Variants in LSR observed in about 807,000 individuals in gnomAD.
LSR encodes the protein lipolysis-stimulated lipoprotein receptor.
In LSR, 44 loss-of-function variants were observed where a neutral mutation model predicts 61.8. That is an observed-to-expected ratio of 0.71 (90% CI 0.56 to 0.91). The LOEUF (loss-of-function observed/expected upper bound fraction) is 0.91. Ranked by LOEUF, LSR falls within the 40% of genes least tolerant of loss-of-function variation. The probability of loss-of-function intolerance (pLI) is 0.00; values close to 1 mark genes in which losing one functional copy is unlikely to be tolerated. For missense variants in LSR, 911 were observed against 830.5 expected, an observed-to-expected ratio of 1.10 and a Z score of -1.19; for synonymous variants, 397 against 350.6, an observed-to-expected ratio of 1.13 and a Z score of -1.48.
intron 2 of LSR, among the ~76,000 whole-genome samples, chr19:35,254,608 G>C (rs1237341239): frequency 6.6e-6 from 1 of 152,154 alleles, no homozygotes; most frequent in Non-Finnish European, 1.5e-5. Context: ...AGAGCCCATG[G>C]GACCTCTGAA....
chr19:35,267,093 C>T lies in LSR; in HGVS notation c.1145-16C>T, dbSNP rs576945426. 15 of 1,524,040 alleles carry T rather than the reference C, an allele frequency of 9.8e-6. No homozygotes were observed. The highest frequency in any genetic ancestry group is 2.8e-5 in the African/African-American group (2 of 71,752). 94.4% of individuals were successfully genotyped at this position (1,524,040 alleles called of 1,614,324 possible). On this transcript the variant is annotated splice_polypyrimidine_tract_variant and intron_variant, in intron 8 of 9. Coordinates refer to ENST00000605618, the MANE Select transcript of LSR (RefSeq NM_205834.4). ...CGGGCTCCTCCAGCAGTCAGTGACA[C>T]CCCCCTTCCCTGCAGCCATGAGTGA...
At chr19:35,258,455 CAAAAA>C (rs55838205) in intron 2 of LSR, among the ~76,000 whole-genome samples, 53 of 120,982 alleles carry the variant, frequency 4.4e-4, no homozygotes, top group African/African-American at 1.4e-3. Flanking sequence ...CCGATTCAAA[CAAAAA>C]AAAAAAAAAG....
chr19:35,267,958 A>C lies in LSR; in HGVS notation c.*99A>C. The C allele has an allele frequency of 7.1e-7, 1 of 1,417,304 alleles. No homozygotes were observed. Among genetic ancestry groups the C allele is most frequent in the Non-Finnish European group, 9.9e-7 (1 of 1,009,934 alleles). The allele number at this position is 1,417,304 out of a possible 1,614,324, so 87.8% of individuals were successfully genotyped here. A position where few individuals can be genotyped will look rare whatever the true frequency, so the allele number is the denominator to read the frequency against. On this transcript the variant is annotated 3_prime_UTR_variant, in exon 10 of 10. Transcript: ENST00000605618. ...CCTCCCGAGTCTAATAAAACGTATA[A>C]TCACAAGCTCTGGAGAGAACCATTT...
intron 5 of LSR, among the ~76,000 whole-genome samples, chr19:35,265,970 C>G (rs903816513): frequency 6.6e-6 from 1 of 152,242 alleles, no homozygotes; most frequent in Non-Finnish European, 1.5e-5. Flanking sequence ...TGTAAACACA[C>G]AGACCATGGG....
At position 35,267,263 on chromosome 19, in the gene LSR, C is replaced by T. The variant is rs764422060; in HGVS notation, c.1299C>T (p.Gly433=). The change falls in exon 9 of 10, where the codon GGC becomes GGT. Residue 433 remains glycine (G), a synonymous_variant. Coordinates refer to ENST00000605618, the MANE Select transcript of LSR (RefSeq NM_205834.4). ...AGGAGCCCGCCAGGGAGCAGGCAGG[C>T]GGGGGCTGGCGGGCCAGGCGGCCCC... The part of the protein sequence containing the change: ...WDQEPAREQA[G]GGWRARRPRA... 23 of 1,517,216 alleles carry T rather than the reference C, an allele frequency of 1.5e-5. No homozygotes were observed. Among genetic ancestry groups the T allele is most frequent in the Non-Finnish European group, 1.9e-5 (22 of 1,133,080 alleles). The allele number at this position is 1,517,216 out of a possible 1,614,324, so 94.0% of individuals were successfully genotyped here.
Position 35,258,994 on chromosome 19 carries a change from T to C in LSR, c.504T>C (p.Tyr168=). Residue 168 remains tyrosine, a synonymous_variant, in exon 3 of 10, where the codon TAT becomes TAC. Coordinates refer to ENST00000605618, the MANE Select transcript of LSR (RefSeq NM_205834.4). ...DQTAWGDSGV[Y]YCSVVSAQDL... The stretch of plus-strand genomic sequence containing the variant: ...CGGCGTGGGGGGACAGTGGTGTGTA[T>C]TACTGCTCCGTGGTCTCAGCCCAGG... 2 of 1,614,020 alleles carry C rather than the reference T, an allele frequency of 1.2e-6. No individual in the cohort carries two copies. The highest frequency in any genetic ancestry group is 1.1e-5 in the South Asian group (1 of 91,074).
At position 35,259,022 on chromosome 19, in the gene LSR, C is replaced by G. The variant is rs755678201; in HGVS notation, c.532C>G (p.Leu178Val). The G allele has an allele frequency of 6.2e-7, 1 of 1,614,098 alleles. No homozygotes were observed. The highest frequency in any genetic ancestry group is 1.3e-5 in the African/African-American group (1 of 75,030). ...YYCSVVSAQDLQGNNEAYAEL... is the reference protein window; with the variant it reads ...YYCSVVSAQDVQGNNEAYAEL... ...CTGCTCCGTGGTCTCAGCCCAGGAC[C>G]TCCAGGGGAACAATGAGGCCTACGC... Residue 178 changes from leucine (L) to valine (V), a missense_variant, in exon 3 of 10, where the codon CTC (leucine) becomes GTC (valine). By Grantham distance (32) the Leu-to-Val change is conservative (BLOSUM62 1). Coordinates refer to ENST00000605618, the MANE Select transcript of LSR (RefSeq NM_205834.4).
chr19:35,267,069 G>C (rs1384159619), intron 8 of LSR, 40 bp from the exon 9 acceptor site: 1 of 1,529,792 alleles, frequency 6.5e-7, no homozygotes, highest in Non-Finnish European at 8.8e-7. Flanking sequence ...CCTGGACCCC[G>C]GGCTCCTCCA....
chr19:35,262,686 G>A lies in LSR; in HGVS notation c.772G>A (p.Glu258Lys), dbSNP rs375934416. The A allele has an allele frequency of 3.3e-5, 53 of 1,613,480 alleles. No individual in the cohort carries two copies. The East Asian group carries it at 5.1e-4, about 16-fold the overall frequency. ...PCCPDKCCCP[E>K]ALYAAGKAAT... ...CTGCCCAGACAAGTGCTGCTGCCCC[G>A]AGGCCCGTAAGTGTCCCGCTCATGG... is the stretch of plus-strand genomic sequence containing the variant. The change falls in exon 5 of 10, where the codon GAG (glutamate) becomes AAG (lysine). Residue 258 changes from glutamate to lysine, a missense_variant. By Grantham distance (56) the Glu-to-Lys change is moderately conservative. Coordinates refer to ENST00000605618, the MANE Select transcript of LSR (RefSeq NM_205834.4).
At chr19:35,256,733 A>AATGAAT (rs1568442700) in intron 2 of LSR, among the ~76,000 whole-genome samples, 5 of 38,196 alleles carry the variant, frequency 1.3e-4, no homozygotes, top group African/African-American at 3.1e-4. Context: ...AATGAATGAA[A>AATGAAT]GAAAGAAAGA....
chr19:35,267,062 G>A lies in LSR; in HGVS notation c.1145-47G>A, dbSNP rs765490499. On this transcript the variant is annotated intron_variant, in intron 8 of 9. Coordinates refer to ENST00000605618, the MANE Select transcript of LSR (RefSeq NM_205834.4). ...CGCAGGGACTCTTGGTGCAAACCCT[G>A]GACCCCGGGCTCCTCCAGCAGTCAG... 9.8e-6 allele frequency: 15 copies of A among 1,535,688 alleles called. No individual in the cohort carries two copies. The African/African-American group carries it at 1.7e-4, about 17-fold the overall frequency.
At chr19:35,252,976 G>C (rs990808544) in intron 2 of LSR, among the ~76,000 whole-genome samples, 1 of 152,018 alleles carries the variant, frequency 6.6e-6, no homozygotes, top group Admixed American at 6.6e-5. Flanking sequence ...AGTCATGATC[G>C]TGCCACTGCA....
chr19:35,260,223 G>A (rs935567062), intron 3 of LSR, among the ~76,000 whole-genome samples: 4 of 148,454 alleles, frequency 2.7e-5, no homozygotes, highest in Non-Finnish European at 6.0e-5. Context: ...AAGAGCTTTT[G>A]TTTGTTTCTG....
chr19:35,249,478 A>T, intron 1 of LSR: 2 of 303,792 alleles, frequency 6.6e-6, no homozygotes, highest in Non-Finnish European at 1.2e-5. Context: ...GCACCCGGGG[A>T]TTTCTAAGTT....
intron 5 of LSR, among the ~76,000 whole-genome samples, chr19:35,265,369 G>A (rs1230849576): frequency 6.6e-6 from 1 of 152,186 alleles, no homozygotes; most frequent in Admixed American, 6.5e-5. Flanking sequence ...TAACTCCCTG[G>A]CAGAGGCCCT....
chr19:35,267,442 G>A lies in LSR; in HGVS notation c.1478G>A (p.Arg493Lys), dbSNP rs763318592. The change falls in exon 9 of 10, where the codon AGG becomes AAG. Residue 493 changes from arginine (R) to lysine (K), a missense_variant. Physicochemically the swap from Arg to Lys is conservative, Grantham distance 26. Coordinates refer to ENST00000605618, the MANE Select transcript of LSR (RefSeq NM_205834.4). ...RDDLYDQDDSRDFPRSRDPHY... is the reference protein window; with the variant it reads ...RDDLYDQDDSKDFPRSRDPHY... ...GACCTCTATGACCAAGACGACTCGA[G>A]GGACTTCCCACGCTCCCGGGACCCC... 6.2e-7 allele frequency: 1 copy of A among 1,610,770 alleles called. No homozygotes were observed. The highest frequency in any genetic ancestry group is 1.1e-5 in the South Asian group (1 of 90,808).
chr19:35,251,857 C>T (rs376732228), intron 2 of LSR, among the ~76,000 whole-genome samples: 3,614 of 67,468 alleles, frequency 0.054, 152 homozygotes, highest in Middle Eastern at 0.12. Flanking sequence ...TTTTTTGAGA[C>T]GGAGTCTCGC....
rs747857556 is a variant in LSR, at chr19:35,263,810, A to AT, written c.778+1133dup. The stretch of plus-strand genomic sequence containing the variant: ...CACACCTGGCCTTAAACTTAAGCAA[A>AT]TTTTTTTTTTTTTTTGGAGACAGTT... On this transcript the variant is annotated intron_variant, in intron 5 of 9. Transcript: ENST00000605618. 2.5e-3 allele frequency among the ~76,000 whole-genome samples: 367 copies of AT among 144,110 alleles called. 1 individual carries two copies. Among genetic ancestry groups the AT allele is most frequent in the African/African-American group, 3.3e-3 (129 of 39,238 alleles). The allele number at this position is 144,110 out of a possible 152,430, so 94.5% of individuals were successfully genotyped here.
intron 6 of LSR, 53 bp from the exon 7 acceptor site, chr19:35,266,626 C>A: frequency 6.3e-7 from 1 of 1,595,994 alleles, no homozygotes. Context: ...TCTTGGGAGC[C>A]GAGGAGGGGC....
Sources: gnomAD v4.1 joint callset for allele counts (sites outside exome capture counted in the v4.1 genomes callset) on GRCh38, gnomAD v4.1.1 for gene constraint, MANE v1.5 for transcripts, NCBI Gene and HGNC (gene_info 2026-07-23, HGNC 2026-07-21) for gene names.